CNPY1: variants seen among roughly 807,000 people sequenced by gnomAD.
The protein encoded by CNPY1 is protein canopy homolog 1.
Under a neutral mutation model 14.4 loss-of-function variants are expected in CNPY1, and 14 were observed. The observed-to-expected ratio is 0.97, with a 90% CI of 0.64 to 1.52. CNPY1 has a LOEUF of 1.52. Among genes scored for constraint, CNPY1 ranks in the 40% most tolerant of loss-of-function variants. The probability of loss-of-function intolerance (pLI) is 0.00; values close to 1 mark genes in which losing one functional copy is unlikely to be tolerated. For synonymous variants in CNPY1, 43 were observed against 46.5 expected (o/e 0.92, Z 0.31); for missense variants, 129 against 131.5 (o/e 0.98, Z 0.09).
chr7:155,527,672 A>C (rs1056590676), intron 2 of CNPY1, among the ~76,000 whole-genome samples: 6 of 150,828 alleles, frequency 4.0e-5, no homozygotes, highest in Admixed American at 6.6e-5. Flanking sequence ...GGCTGGTCTC[A>C]AAATCCTGAG....
At chr7:155,533,513 C>CAGAG (rs369734396) in intron 2 of CNPY1, among the ~76,000 whole-genome samples, 2 of 152,336 alleles carry the variant, frequency 1.3e-5, no homozygotes, top group African/African-American at 4.8e-5. Context: ...CCGGCCCGCG[C>CAGAG]AGAGCGGGGC....
At chr7:155,523,759 C>T (rs1209278281) in intron 2 of CNPY1, among the ~76,000 whole-genome samples, 1 of 152,186 alleles carries the variant, frequency 6.6e-6, no homozygotes, top group Non-Finnish European at 1.5e-5. Context: ...AACCCCAGTA[C>T]CTGTGAATGT....
intron 2 of CNPY1, among the ~76,000 whole-genome samples, chr7:155,510,061 G>A (rs1383879524): frequency 6.6e-6 from 1 of 152,238 alleles, no homozygotes; most frequent in African/African-American, 2.4e-5. Flanking sequence ...AAAGTAGGAA[G>A]TTTGCATGAC....
chr7:155,515,621 G>T (rs139210246), intron 2 of CNPY1, among the ~76,000 whole-genome samples: 3 of 152,050 alleles, frequency 2.0e-5, no homozygotes, highest in African/African-American at 7.2e-5. Flanking sequence ...GGAGTCGACT[G>T]GGGGAAACGA....
At chr7:155,537,509 C>G (rs556156082) in intron 2 of CNPY1, among the ~76,000 whole-genome samples, 1 of 151,620 alleles carries the variant, frequency 6.6e-6, no homozygotes, top group Non-Finnish European at 1.5e-5. Flanking sequence ...CTGCAACCTC[C>G]GCCTCCTGGA....
intron 2 of CNPY1, among the ~76,000 whole-genome samples, chr7:155,527,434 C>CTTTTTTT (rs11364914): frequency 3.3e-4 from 19 of 56,886 alleles, no homozygotes; most frequent in East Asian, 1.2e-3. Context: ...TAATTAATTT[C>CTTTTTTT]TTTTTTTTTT....
intron 1 of CNPY1, 127 bp from the exon 2 acceptor site, chr7:155,546,070 G>C: frequency 2.5e-6 from 1 of 397,788 alleles, no homozygotes; most frequent in Non-Finnish European, 4.4e-6. Flanking sequence ...AGGACCTGGG[G>C]AGGACTCTTG....
chr7:155,503,049 G>C lies in CNPY1; in HGVS notation c.*19C>G. ...TGGGTGTGACTTTACTCCTCTCTAC[G>C]ACCAGCAGAACGGCACTCCTAGAGC... On this transcript the variant is annotated 3_prime_UTR_variant, in exon 5 of 5. Transcript: ENST00000636446. The C allele has an allele frequency of 6.8e-6, 11 of 1,606,030 alleles. No individual in the cohort carries two copies. Among genetic ancestry groups the C allele is most frequent in the Non-Finnish European group, 9.3e-6 (11 of 1,176,760 alleles).
At position 155,502,304 on chromosome 7, in the gene CNPY1, G is replaced by A. The variant is rs187682571; in HGVS notation, c.*764C>T. The A allele has an allele frequency of 1.3e-5, 2 of 151,128 alleles. No homozygotes were observed. The highest frequency in any genetic ancestry group is 2.4e-5 in the African/African-American group (1 of 40,978). 9.4% of individuals were successfully genotyped at this position (151,128 alleles called of 1,614,324 possible). On this transcript the variant is annotated 3_prime_UTR_variant, in exon 5 of 5. Transcript: ENST00000636446. ...ACTAAATGTGAGCCAAAAAAAAAAC[G>A]TTTAGAAGAAAAACAAACAAGCCAG...
At chr7:155,525,239 G>C (rs780910077) in intron 2 of CNPY1, among the ~76,000 whole-genome samples, 5 of 152,086 alleles carry the variant, frequency 3.3e-5, no homozygotes, top group African/African-American at 9.7e-5. Context: ...GTAGTGCAGT[G>C]GTGCAATCTC....
intron 2 of CNPY1, among the ~76,000 whole-genome samples, chr7:155,519,736 G>A (rs1237130792): frequency 2.6e-5 from 4 of 152,088 alleles, no homozygotes; most frequent in African/African-American, 9.7e-5. Context: ...CACCTGAAGG[G>A]AAACAATGAA....
At chr7:155,528,667 G>A (rs921152124) in intron 2 of CNPY1, among the ~76,000 whole-genome samples, 8 of 152,188 alleles carry the variant, frequency 5.3e-5, no homozygotes, top group African/African-American at 9.6e-5. Context: ...GCCACAAAGC[G>A]TCAGAGACTC....
intron 2 of CNPY1, among the ~76,000 whole-genome samples, chr7:155,529,231 C>T (rs968361927): frequency 1.3e-5 from 2 of 152,088 alleles, no homozygotes; most frequent in African/African-American, 4.8e-5. Context: ...ACCAGAAGTC[C>T]GACGTTCTAC....
Position 155,502,732 on chromosome 7 carries a change from G to A in CNPY1, c.*336C>T. 1 of 293,460 alleles carries A rather than the reference G, an allele frequency of 3.4e-6. No individual in the cohort carries two copies. The highest frequency in any genetic ancestry group is 6.4e-6 in the Non-Finnish European group (1 of 156,816). 18.2% of individuals were successfully genotyped at this position (293,460 alleles called of 1,614,324 possible). On this transcript the variant is annotated 3_prime_UTR_variant, in exon 5 of 5. Transcript: ENST00000636446. ...GTGCACATACACTGTTATAAAATAAGCAGCATACATTATGAAATCCCTATT... is the reference window on the plus strand; with the variant it reads ...GTGCACATACACTGTTATAAAATAAACAGCATACATTATGAAATCCCTATT...
chr7:155,532,915 T>C (rs1206735414), intron 2 of CNPY1, among the ~76,000 whole-genome samples: 1 of 152,006 alleles, frequency 6.6e-6, no homozygotes, highest in Non-Finnish European at 1.5e-5. Context: ...ATAAAGTTCA[T>C]CTCATCAGTC....
At chr7:155,535,385 A>G (rs751883956) in intron 2 of CNPY1, among the ~76,000 whole-genome samples, 3 of 152,190 alleles carry the variant, frequency 2.0e-5, no homozygotes, top group Non-Finnish European at 4.4e-5. Flanking sequence ...GAGCATTTCA[A>G]CTGCAGATGA....
rs1309732464 is a variant in CNPY1 at position 155,502,981 on chromosome 7, C to A, written c.*87G>T. On this transcript the variant is annotated 3_prime_UTR_variant, in exon 5 of 5. Coordinates refer to ENST00000636446, the MANE Select transcript of CNPY1 (RefSeq NM_001393663.1). ...AAACAAGAGACAAAATTTTTCTTAT[C>A]ATGAAAGACAACATGCAAACATAAA... 1.6e-6 allele frequency: 2 copies of A among 1,238,340 alleles called. No homozygotes were observed. The highest frequency in any genetic ancestry group is 2.1e-5 in the Admixed American group (1 of 46,918). The allele number at this position is 1,238,340 out of a possible 1,614,324, so 76.7% of individuals were successfully genotyped here.
At chr7:155,504,450 A>G (rs1324578371) in intron 4 of CNPY1, among the ~76,000 whole-genome samples, 4 of 152,180 alleles carry the variant, frequency 2.6e-5, no homozygotes, top group African/African-American at 9.7e-5. Context: ...TGATTATTAT[A>G]AATAAAGAGA....
chr7:155,538,099 C>G (rs1797044125), intron 2 of CNPY1, among the ~76,000 whole-genome samples: 1 of 152,166 alleles, frequency 6.6e-6, no homozygotes, highest in African/African-American at 2.4e-5. Flanking sequence ...GGAAAATACC[C>G]TTCGGATTTT....
Sources: gnomAD v4.1 joint callset for allele counts (sites outside exome capture counted in the v4.1 genomes callset) on GRCh38, gnomAD v4.1.1 for gene constraint, MANE v1.5 for transcripts, NCBI Gene and HGNC (gene_info 2026-07-23, HGNC 2026-07-21) for gene names.